Variants in SYCP1 observed in about 807,000 individuals in gnomAD.
The protein encoded by SYCP1 is cancer/testis antigen 8.
In SYCP1, 64 loss-of-function variants were observed where a neutral mutation model predicts 153.1. The ratio of observed to expected loss-of-function variants is 0.42; its 90% CI spans 0.34 to 0.51. The LOEUF is 0.51. SYCP1 is among the 20% of genes least tolerant of loss of function. The pLI is 0.06. For missense variants in SYCP1, 997 were observed against 1,049.0 expected, an observed-to-expected ratio of 0.95 and a Z score of 0.68; for synonymous variants, 384 against 341.8, an observed-to-expected ratio of 1.12 and a Z score of -1.36.
At position 114,918,853 on chromosome 1, in the gene SYCP1, G is replaced by A. The variant is rs540930430; in HGVS notation, c.1719-4596G>A. Among the ~76,000 whole-genome samples the A allele has an allele frequency of 7.2e-5, 11 of 151,952 alleles. 1 individual carries two copies. The Middle Eastern group carries it at 0.01, about 141-fold the overall frequency. ...TTTATCCTGAAACTTTCCTGAATTT[G>A]CTTATTAGTTCTAATAGTTTTTTGG... On this transcript the variant is annotated intron_variant, in intron 20 of 31. Coordinates refer to ENST00000369522, the MANE Select transcript of SYCP1 (RefSeq NM_003176.4).
chr1:114,855,651 T>C, intron 2 of SYCP1, 79 bp downstream of exon 2: 1 of 1,148,924 alleles, frequency 8.7e-7, no homozygotes, highest in Non-Finnish European at 1.2e-6. Flanking sequence ...TTCCTGGTGG[T>C]GTTTTATAAT....
intron 30 of SYCP1, among the ~76,000 whole-genome samples, chr1:114,994,358 A>G (rs1239241001): frequency 6.6e-6 from 1 of 151,444 alleles, no homozygotes; most frequent in Non-Finnish European, 1.5e-5. Context: ...ACAAGATGGC[A>G]TTATAAAGAC....
intron 30 of SYCP1, among the ~76,000 whole-genome samples, chr1:114,986,206 A>C (rs1050383858): frequency 2.0e-5 from 3 of 152,002 alleles, no homozygotes; most frequent in Non-Finnish European, 4.4e-5. Context: ...TGAGTCACAC[A>C]AGTATATTTT....
intron 27 of SYCP1, among the ~76,000 whole-genome samples, chr1:114,954,830 C>T (rs139444493): frequency 0.023 from 3,511 of 152,232 alleles, 57 homozygotes; most frequent in South Asian, 0.035. Flanking sequence ...CCGCCTGCCT[C>T]GGCCTCCCAA....
At chr1:114,970,810 G>A (rs1672440208) in intron 27 of SYCP1, among the ~76,000 whole-genome samples, 1 of 152,226 alleles carries the variant, frequency 6.6e-6, no homozygotes, top group African/African-American at 2.4e-5. Flanking sequence ...CTCCAGTGGA[G>A]GTGGCAGGGC....
At chr1:114,944,791 AAGT>A in intron 24 of SYCP1, 78 bp from the exon 25 acceptor site, 1 of 1,025,046 alleles carries the variant, frequency 9.8e-7, no homozygotes, top group East Asian at 2.7e-5. Flanking sequence ...GCTTTTATTT[AAGT>A]AGAACATATA....
At chr1:114,972,623 A>AT (rs1180806885) in intron 27 of SYCP1, among the ~76,000 whole-genome samples, 2 of 152,044 alleles carry the variant, frequency 1.3e-5, no homozygotes, top group African/African-American at 4.8e-5. Flanking sequence ...GTTTCAATAA[A>AT]TTTTTTGATT....
intron 8 of SYCP1, among the ~76,000 whole-genome samples, chr1:114,872,939 G>A (rs1305563749): frequency 6.6e-6 from 1 of 152,056 alleles, no homozygotes; most frequent in Non-Finnish European, 1.5e-5. Flanking sequence ...ATGGGAATGA[G>A]CCCCCACACC....
chr1:114,993,094 A>G (rs1331101097), intron 30 of SYCP1, among the ~76,000 whole-genome samples: 3 of 151,594 alleles, frequency 2.0e-5, no homozygotes, highest in Non-Finnish European at 4.4e-5. Flanking sequence ...GAATTAACTT[A>G]TTAATCATTT....
chr1:114,933,088 G>T (rs1319340029), intron 23 of SYCP1, among the ~76,000 whole-genome samples: 1 of 152,176 alleles, frequency 6.6e-6, no homozygotes, highest in Non-Finnish European at 1.5e-5. Context: ...AGAACAGACA[G>T]ACTGCCTCCT....
intron 30 of SYCP1, among the ~76,000 whole-genome samples, chr1:114,988,180 A>G (rs1444183001): frequency 6.6e-6 from 1 of 151,588 alleles, no homozygotes; most frequent in Non-Finnish European, 1.5e-5. Flanking sequence ...CATTGTAGGA[A>G]TTCCAGAAGG....
intron 27 of SYCP1, among the ~76,000 whole-genome samples, chr1:114,952,134 G>T (rs1286086619): frequency 6.6e-6 from 1 of 152,128 alleles, no homozygotes; most frequent in Non-Finnish European, 1.5e-5. Flanking sequence ...CTGTGTACAG[G>T]TTTTGGTGTG....
chr1:114,863,761 G>T (rs1318522715), intron 8 of SYCP1, among the ~76,000 whole-genome samples: 1 of 152,058 alleles, frequency 6.6e-6, no homozygotes, highest in Non-Finnish European at 1.5e-5. Context: ...TATAGCCTTT[G>T]CCGACTTTTT....
chr1:114,932,924 CAGCTCA>C (rs1313234689), intron 23 of SYCP1, among the ~76,000 whole-genome samples: 9 of 152,224 alleles, frequency 5.9e-5, no homozygotes, highest in Non-Finnish European at 1.2e-4. Flanking sequence ...GAACCCACTA[CAGCTCA>C]AGGAGGCCTG....
chr1:114,982,641 T>C (rs1375855787), intron 29 of SYCP1, among the ~76,000 whole-genome samples: 1 of 151,972 alleles, frequency 6.6e-6, no homozygotes, highest in African/African-American at 2.4e-5. Flanking sequence ...TTCTTTGACA[T>C]AATTTTCTTT....
At chr1:114,876,700 G>T in intron 10 of SYCP1, 37 bp from the exon 11 acceptor site, 1 of 1,050,874 alleles carries the variant, frequency 9.5e-7, no homozygotes. Context: ...ATAAAATTAT[G>T]TTATGACATT....
At chr1:114,942,857 G>C (rs1557820235) in intron 23 of SYCP1, among the ~76,000 whole-genome samples, 1 of 151,802 alleles carries the variant, frequency 6.6e-6, no homozygotes, top group Non-Finnish European at 1.5e-5. Flanking sequence ...TGGTTACTTG[G>C]AAAGTAAAGT....
chr1:114,975,346 G>GTT (rs1034996011), intron 27 of SYCP1, among the ~76,000 whole-genome samples: 4 of 151,350 alleles, frequency 2.6e-5, no homozygotes, highest in Non-Finnish European at 5.9e-5. Flanking sequence ...GTGTGTGTGT[G>GTT]TGTGTGTGTG....
intron 18 of SYCP1, among the ~76,000 whole-genome samples, chr1:114,912,556 GT>G (rs143150970): frequency 5.4e-4 from 81 of 150,390 alleles, no homozygotes; most frequent in Admixed American, 1.7e-3. Context: ...GTTAAATTCA[GT>G]TTTTTTTTTA....
Sources: gnomAD v4.1 joint callset for allele counts (sites outside exome capture counted in the v4.1 genomes callset) on GRCh38, gnomAD v4.1.1 for gene constraint, MANE v1.5 for transcripts, NCBI Gene and HGNC (gene_info 2026-07-23, HGNC 2026-07-21) for gene names.